SPAG17: variants seen among roughly 807,000 people sequenced by gnomAD.
SPAG17 encodes sperm-associated antigen 17.
SPAG17 carries 169 observed loss-of-function variants against 273.6 expected under a neutral mutation model. The observed-to-expected ratio is 0.62, with a 90% CI of 0.55 to 0.70. The LOEUF is 0.70. Ranked by LOEUF, SPAG17 falls within the 30% of genes least tolerant of loss-of-function variation. The pLI is 0.00. For missense variants in SPAG17, 2,557 were observed against 2,627.8 expected (o/e 0.97, Z 0.59); for synonymous variants, 825 against 873.2 (o/e 0.94, Z 0.97).
rs139350876 is a variant in SPAG17 at position 118,016,523 on chromosome 1, G to T, written c.4070-341C>A. ...CTCTGGGTCCCAGATTTTGGGTTTT[G>T]TATTCTGGTTTTTAAAGCCTACCTT... On this transcript the variant is annotated intron_variant, in intron 28 of 48. Transcript: ENST00000336338. Among the ~76,000 whole-genome samples the T allele has an allele frequency of 1.6e-3, 243 of 152,200 alleles. 2 individuals carry two copies. The highest frequency in any genetic ancestry group is 6.8e-3 in the Middle Eastern group (2 of 294).
Position 118,081,508 on chromosome 1 carries a change from T to G in SPAG17, c.1897A>C (p.Asn633His), listed in dbSNP as rs774369495. ...MMCGSDSEMFNIPWDNPARFA... is the reference protein window; with the variant it reads ...MMCGSDSEMFHIPWDNPARFA... Reference sequence around the variant, plus strand: ...CTGGCAGGGTTGTCCCACGGTATGTTGAACATTTCAGAATCTGACCCACAC... The same window carrying G: ...CTGGCAGGGTTGTCCCACGGTATGTGGAACATTTCAGAATCTGACCCACAC... Residue 633 changes from asparagine to histidine, a missense_variant, in exon 14 of 49, where the codon AAC (asparagine) becomes CAC (histidine). Physicochemically the swap from Asn to His is moderately conservative, Grantham distance 68. Transcript: ENST00000336338. 2.5e-6 allele frequency: 4 copies of G among 1,613,954 alleles called. No homozygotes were observed. In the Admixed American group the frequency reaches 6.7e-5, roughly 27 times the overall value.
intron 38 of SPAG17, 110 bp from the exon 39 acceptor site, chr1:117,988,314 C>A: frequency 1.4e-6 from 1 of 694,808 alleles, no homozygotes; most frequent in Non-Finnish European, 2.2e-6. Context: ...TATAGTTAAT[C>A]TATCAAGTGT....
intron 43 of SPAG17, among the ~76,000 whole-genome samples, chr1:117,976,771 C>T (rs1426154358): frequency 6.6e-6 from 1 of 152,160 alleles, no homozygotes; most frequent in Non-Finnish European, 1.5e-5. Flanking sequence ...CCATGGACAT[C>T]CACAGGCCCT....
In SPAG17 at chr1:118,101,779, T is replaced by G. The variant is rs770592535; in HGVS notation, c.595A>C (p.Lys199Gln). The G allele has an allele frequency of 1.2e-5, 20 of 1,613,884 alleles. No homozygotes were observed. Among genetic ancestry groups the G allele is most frequent in the Non-Finnish European group, 1.6e-5 (19 of 1,179,954 alleles). Reference protein sequence around the residue: ...NAPVKKTTQLKRRGEDDHTNR... With the variant: ...NAPVKKTTQLQRRGEDDHTNR... ...GTGTGGTCGTCTTCTCCTCTCCGCT[T>G]TAACTGGGTGGTCTTTTTCACTGGT... Residue 199 changes from lysine (K) to glutamine (Q), a missense_variant, in exon 5 of 49, where the codon AAG (lysine) becomes CAG (glutamine). Lys to Gln is a moderately conservative substitution (Grantham distance 53). Coordinates refer to ENST00000336338, the MANE Select transcript of SPAG17 (RefSeq NM_206996.4).
chr1:117,981,183 A>C lies in SPAG17; in HGVS notation c.6004+87T>G. 6 of 1,397,910 alleles carry C rather than the reference A, an allele frequency of 4.3e-6. No homozygotes were observed. In the Admixed American group the frequency reaches 1.1e-4, roughly 26 times the overall value. The allele number at this position is 1,397,910 out of a possible 1,614,324, so 86.6% of individuals were successfully genotyped here. On this transcript the variant is annotated intron_variant, in intron 43 of 48. Transcript: ENST00000336338. ...TCTCGATTTTTTTCTGTAACTCTCAACCTCGCCTCCTAGCGCCATCTCCCA... is the reference window on the plus strand; with the variant it reads ...TCTCGATTTTTTTCTGTAACTCTCACCCTCGCCTCCTAGCGCCATCTCCCA...
At chr1:118,104,995 C>T (rs1558016516) in intron 4 of SPAG17, among the ~76,000 whole-genome samples, 2 of 152,012 alleles carry the variant, frequency 1.3e-5, no homozygotes, top group South Asian at 2.1e-4. Flanking sequence ...AGTGAAGATA[C>T]GGGGCTGAGG....
At chr1:118,154,645 G>T (rs994156714) in intron 1 of SPAG17, among the ~76,000 whole-genome samples, 2 of 151,820 alleles carry the variant, frequency 1.3e-5, no homozygotes, top group Non-Finnish European at 2.9e-5. Flanking sequence ...ATTAGATTTG[G>T]CAAAATACAA....
chr1:118,122,811 GT>G (rs760714008), intron 3 of SPAG17, among the ~76,000 whole-genome samples: 17 of 152,172 alleles, frequency 1.1e-4, no homozygotes, highest in Non-Finnish European at 2.1e-4. Context: ...AGTACTTATG[GT>G]TATTCATACA....
chr1:117,982,099 T>C (rs1351692361), intron 42 of SPAG17, among the ~76,000 whole-genome samples: 1 of 152,186 alleles, frequency 6.6e-6, no homozygotes, highest in African/African-American at 2.4e-5. Context: ...TTTCTCCCCA[T>C]CACATTTATA....
At chr1:118,148,418 G>C (rs539171258) in intron 3 of SPAG17, among the ~76,000 whole-genome samples, 1 of 152,290 alleles carries the variant, frequency 6.6e-6, no homozygotes, top group South Asian at 2.1e-4. Context: ...TGCTAGCTCA[G>C]GTGGCCAGCT....
At chr1:118,012,021 C>A (rs1053378689) in intron 30 of SPAG17, among the ~76,000 whole-genome samples, 1 of 151,544 alleles carries the variant, frequency 6.6e-6, no homozygotes, top group Non-Finnish European at 1.5e-5. Flanking sequence ...TTTTATAAAG[C>A]AAATATCAAA....
intron 4 of SPAG17, among the ~76,000 whole-genome samples, chr1:118,114,519 G>T (rs1383198391): frequency 6.6e-6 from 1 of 151,978 alleles, no homozygotes; most frequent in African/African-American, 2.4e-5. Context: ...TCCACTTAAG[G>T]CATAAAGAAA....
At chr1:117,994,555 G>T (rs1447107111) in intron 34 of SPAG17, 25 bp from the exon 35 acceptor site, 6 of 1,594,456 alleles carry the variant, frequency 3.8e-6, no homozygotes, top group Non-Finnish European at 4.3e-6. Flanking sequence ...GTTGTCAGAA[G>T]ACCATTACCC....
chr1:117,989,290 G>T (rs1379492466), intron 38 of SPAG17, among the ~76,000 whole-genome samples: 1 of 152,152 alleles, frequency 6.6e-6, no homozygotes, highest in East Asian at 1.9e-4. Context: ...AAGAAGCATG[G>T]TGCGGTCATC....
intron 18 of SPAG17, among the ~76,000 whole-genome samples, chr1:118,064,300 G>C (rs532995275): frequency 6.6e-6 from 1 of 151,810 alleles, no homozygotes; most frequent in South Asian, 2.1e-4. Context: ...TGTTTATTGC[G>C]GCACTATTCA....
At chr1:117,982,763 T>C (rs897296586) in intron 42 of SPAG17, among the ~76,000 whole-genome samples, 1 of 152,212 alleles carries the variant, frequency 6.6e-6, no homozygotes, top group Non-Finnish European at 1.5e-5. Context: ...CTTTTATAGC[T>C]GTTTTTTCCT....
chr1:118,110,629 G>A (rs1656701798), intron 4 of SPAG17, among the ~76,000 whole-genome samples: 1 of 152,142 alleles, frequency 6.6e-6, no homozygotes, highest in African/African-American at 2.4e-5. Flanking sequence ...TCAGTGGCTG[G>A]TTAGCTCAGG....
chr1:118,099,703 T>A lies in SPAG17; in HGVS notation c.732A>T (p.Ile244=), dbSNP rs751319598. 40 of 1,613,864 alleles carry A rather than the reference T, an allele frequency of 2.5e-5. 1 individual carries two copies. In the South Asian group the frequency reaches 3.6e-4, roughly 15 times the overall value. The change falls in exon 6 of 49, where the codon ATA becomes ATT. Residue 244 remains isoleucine (I), a synonymous_variant. Coordinates refer to ENST00000336338, the MANE Select transcript of SPAG17 (RefSeq NM_206996.4). The part of the protein sequence containing the change: ...LAIMAELGIP[I]TSVIKISSEN... Reference sequence around the variant, plus strand: ...CTGAAGATATTTTAATCACGCTGGTTATAGGAATGCCAAGCTCAGCCATAA... The same window carrying A: ...CTGAAGATATTTTAATCACGCTGGTAATAGGAATGCCAAGCTCAGCCATAA...
rs1354228662 is a variant in SPAG17 at position 117,966,523 on chromosome 1, A to G, written c.6532+86T>C. ...ATTTTGAAGATAGAATTAATAAAGTAGAGATGCATTTTGACTTCCATGTTT... is the reference window on the plus strand; with the variant it reads ...ATTTTGAAGATAGAATTAATAAAGTGGAGATGCATTTTGACTTCCATGTTT... On this transcript the variant is annotated intron_variant, in intron 47 of 48. Coordinates refer to ENST00000336338, the MANE Select transcript of SPAG17 (RefSeq NM_206996.4). 13 of 1,186,440 alleles carry G rather than the reference A, an allele frequency of 1.1e-5. No individual in the cohort carries two copies. The Admixed American group carries it at 3.2e-4, about 29-fold the overall frequency. The allele number at this position is 1,186,440 out of a possible 1,614,324, so 73.5% of individuals were successfully genotyped here.
Sources: gnomAD v4.1 joint callset for allele counts (sites outside exome capture counted in the v4.1 genomes callset) on GRCh38, gnomAD v4.1.1 for gene constraint, MANE v1.5 for transcripts, NCBI Gene and HGNC (gene_info 2026-07-23, HGNC 2026-07-21) for gene names.